The following SLC44A1 variants were observed in gnomAD, a reference collection of about 807,000 sequenced individuals.
SLC44A1 encodes solute carrier family 44 member 1.
In SLC44A1, 26 loss-of-function variants were observed where a neutral mutation model predicts 79.3. The observed-to-expected ratio is 0.33, with a 90% CI of 0.24 to 0.46. The LOEUF (loss-of-function observed/expected upper bound fraction) is 0.46, where lower values mean the gene tolerates loss of function less well. SLC44A1 is among the 20% of genes least tolerant of loss of function. SLC44A1 has a pLI of 1.00. For synonymous variants in SLC44A1, 263 were observed against 286.2 expected, an observed-to-expected ratio of 0.92 and a Z score of 0.82; for missense variants, 688 against 798.1, an observed-to-expected ratio of 0.86 and a Z score of 1.66.
intron 2 of SLC44A1, chr9:105,299,787 G>T (rs577358107): frequency 2.0e-6 from 2 of 985,488 alleles, no homozygotes; most frequent in East Asian, 1.1e-4. Flanking sequence ...GGCATCTTTC[G>T]ATTGGAGATG....
At position 105,391,313 on chromosome 9, in the gene SLC44A1, C is replaced by CAA. The variant is rs1828758001; in HGVS notation, c.*2258_*2259insAA. 2 of 985,576 alleles carry CAA rather than the reference C, an allele frequency of 2.0e-6. No individual in the cohort carries two copies. Among genetic ancestry groups the CAA allele is most frequent in the Non-Finnish European group, 2.4e-6 (2 of 829,802 alleles). The allele number at this position is 985,576 out of a possible 1,614,324, so 61.1% of individuals were successfully genotyped here. On this transcript the variant is annotated 3_prime_UTR_variant, in exon 16 of 16. Transcript: ENST00000374720. ...TATCATTTGCAACTAGAACTGTAAT[C>CAA]AGAAAGAAATTTTGTATTTTTGTAT...
At chr9:105,364,390 T>C (rs1363249319) in intron 9 of SLC44A1, among the ~76,000 whole-genome samples, 165 bp from the exon 10 acceptor site, 1 of 152,244 alleles carries the variant, frequency 6.6e-6, no homozygotes, top group Non-Finnish European at 1.5e-5. Context: ...CAATTCTTAA[T>C]TTCACAACTT....
In SLC44A1 at chr9:105,244,718, T is replaced by C. The variant is rs949284931; in HGVS notation, c.-151T>C. 1.2e-5 allele frequency: 4 copies of C among 330,338 alleles called. No individual in the cohort carries two copies. The highest frequency in any genetic ancestry group is 5.3e-5 in the Admixed American group (1 of 18,860). 20.5% of individuals were successfully genotyped at this position (330,338 alleles called of 1,614,324 possible). ...CGCCTGCCTCTAGCCGCGCCGCCTC[T>C]TGAGTACCAGCCGCCGCTGCAGCCG... is the stretch of plus-strand genomic sequence containing the variant. On this transcript the variant is annotated 5_prime_UTR_variant, in exon 1 of 16. Coordinates refer to ENST00000374720, the MANE Select transcript of SLC44A1 (RefSeq NM_080546.5).
At chr9:105,296,074 A>G (rs766522879) in intron 1 of SLC44A1, among the ~76,000 whole-genome samples, 1 of 152,216 alleles carries the variant, frequency 6.6e-6, no homozygotes, top group Non-Finnish European at 1.5e-5. Context: ...TGGTAAAAGG[A>G]TATTTTAATA....
At chr9:105,279,192 C>CA (rs370528584) in intron 1 of SLC44A1, among the ~76,000 whole-genome samples, 10,848 of 74,902 alleles carry the variant, frequency 0.14, 985 homozygotes, top group African/African-American at 0.33. Context: ...AAGCAAGACT[C>CA]AAAAAAAAAA....
intron 15 of SLC44A1, among the ~76,000 whole-genome samples, chr9:105,432,356 G>T (rs1193052559): frequency 6.6e-6 from 1 of 152,214 alleles, no homozygotes; most frequent in Non-Finnish European, 1.5e-5. Context: ...CTTGCTAAAG[G>T]TAATACAACC....
In SLC44A1 at chr9:105,351,632, GAGAA is replaced by G. The variant is rs55635937; in HGVS notation, c.500+3222_500+3225del. 9.2e-3 allele frequency among the ~76,000 whole-genome samples: 934 copies of G among 101,384 alleles called. 37 individuals carry two copies. The highest frequency in any genetic ancestry group is 0.028 in the East Asian group (112 of 3,988). 66.5% of individuals were successfully genotyped at this position (101,384 alleles called of 152,430 possible). On this transcript the variant is annotated intron_variant, in intron 5 of 15. Coordinates refer to ENST00000374720, the MANE Select transcript of SLC44A1 (RefSeq NM_080546.5). ...AAAGAAAGAAAGAAAGAGAGAGAAA[GAGAA>G]AGAAAGAAAGAAAGAAAGAAAGAAA...
At position 105,435,758 on chromosome 9, in the gene SLC44A1, A is replaced by C. The variant is rs150502095; in HGVS notation, c.1951-2523A>C. On this transcript the variant is annotated intron_variant, in intron 15 of 15. Coordinates refer to the SLC44A1 transcript ENST00000374724. ...TACAGTATGGAGTTTAGCTAATAGC[A>C]GTGTACCAGTGTTGGTTCACTAGTT... Among the ~76,000 whole-genome samples, 431 of 152,352 alleles carry C rather than the reference A, an allele frequency of 2.8e-3. 5 individuals are homozygous for C. Among genetic ancestry groups the C allele is most frequent in the Non-Finnish European group, 4.4e-3 (298 of 68,044 alleles).
chr9:105,247,021 G>C (rs892336967), intron 1 of SLC44A1, among the ~76,000 whole-genome samples: 1 of 151,872 alleles, frequency 6.6e-6, no homozygotes, highest in Admixed American at 6.5e-5. Flanking sequence ...ATGCTTTTAA[G>C]TTCAGCTTTA....
At chr9:105,366,192 CATT>C (rs1222780947) in intron 11 of SLC44A1, among the ~76,000 whole-genome samples, 151 bp from the exon 12 acceptor site, 4 of 152,048 alleles carry the variant, frequency 2.6e-5, no homozygotes, top group African/African-American at 9.7e-5. Context: ...ATAATTCAGT[CATT>C]ATGTTTTAAG....
rs368296843 is a variant in SLC44A1 at position 105,326,216 on chromosome 9, G to T, written c.270-9347G>T. 2.0e-5 allele frequency among the ~76,000 whole-genome samples: 3 copies of T among 152,216 alleles called. No homozygotes were observed. The East Asian group carries it at 5.8e-4, about 29-fold the overall frequency. ...CTCCCAAGCAGCTGGGACTACAGGC[G>T]TGTGTCACCACATCTGGCTAATTTT... On this transcript the variant is annotated intron_variant, in intron 3 of 15. Coordinates refer to ENST00000374720, the MANE Select transcript of SLC44A1 (RefSeq NM_080546.5).
intron 11 of SLC44A1, 106 bp from the exon 12 acceptor site, chr9:105,366,240 A>G (rs1827936757): frequency 2.0e-6 from 1 of 512,702 alleles, no homozygotes; most frequent in African/African-American, 2.0e-5. Flanking sequence ...TTTGAAGCAT[A>G]AATTGTGATT....
At chr9:105,431,753 C>CA (rs1352227149) in intron 15 of SLC44A1, among the ~76,000 whole-genome samples, 1 of 152,186 alleles carries the variant, frequency 6.6e-6, no homozygotes, top group Non-Finnish European at 1.5e-5. Context: ...ATAACTCATA[C>CA]ACCCATCTCA....
At chr9:105,428,127 C>G (rs1046564407) in intron 15 of SLC44A1, among the ~76,000 whole-genome samples, 11 of 152,178 alleles carry the variant, frequency 7.2e-5, no homozygotes, top group African/African-American at 2.6e-4. Flanking sequence ...TACCTATAAT[C>G]TATACGATGT....
At chr9:105,345,507 C>CA (rs1411992194) in intron 4 of SLC44A1, among the ~76,000 whole-genome samples, 1 of 152,032 alleles carries the variant, frequency 6.6e-6, no homozygotes, top group Non-Finnish European at 1.5e-5. Flanking sequence ...GGAAGCATGG[C>CA]AGCTTAAGGG....
At chr9:105,362,196 GA>G (rs994025278) in intron 8 of SLC44A1, among the ~76,000 whole-genome samples, 52 of 151,438 alleles carry the variant, frequency 3.4e-4, no homozygotes, top group African/African-American at 1.2e-3. Context: ...TCTGAAAAAA[GA>G]AAAAAAATCA....
chr9:105,278,377 T>C (rs1190346679), intron 1 of SLC44A1, among the ~76,000 whole-genome samples: 1 of 152,052 alleles, frequency 6.6e-6, no homozygotes, highest in African/African-American at 2.4e-5. Flanking sequence ...GCCTCCCGAG[T>C]AGCTGGGACT....
intron 1 of SLC44A1, among the ~76,000 whole-genome samples, chr9:105,254,712 T>G (rs1207645684): frequency 6.6e-6 from 1 of 152,226 alleles, no homozygotes; most frequent in African/African-American, 2.4e-5. Context: ...CTTTCTTTTT[T>G]GCTCACCCCC....
chr9:105,424,943 C>G (rs1487215976), intron 15 of SLC44A1, among the ~76,000 whole-genome samples: 1 of 124,128 alleles, frequency 8.1e-6, no homozygotes, highest in Non-Finnish European at 1.5e-5. Context: ...AGTAAGACTC[C>G]ATCTCAAAAA....
Sources: gnomAD v4.1 joint callset for allele counts (sites outside exome capture counted in the v4.1 genomes callset) on GRCh38, gnomAD v4.1.1 for gene constraint, MANE v1.5 for transcripts, NCBI Gene and HGNC (gene_info 2026-07-23, HGNC 2026-07-21) for gene names.